The following RFTN1 variants were observed in gnomAD, a reference collection of about 807,000 sequenced individuals.
RFTN1 encodes raftlin.
In RFTN1, 26 loss-of-function variants were observed where a neutral mutation model predicts 46.5. The ratio of observed to expected loss-of-function variants is 0.56; its 90% CI spans 0.41 to 0.78. RFTN1 has a LOEUF of 0.78. Ranked by LOEUF, RFTN1 falls within the 30% of genes least tolerant of loss-of-function variation. The pLI, the probability that RFTN1 is intolerant of heterozygous loss-of-function variation, is 0.00. For missense variants in RFTN1, 693 were observed against 718.7 expected (o/e 0.96, Z 0.41); for synonymous variants, 261 against 284.2 (o/e 0.92, Z 0.82).
rs893682106 is a variant in RFTN1 at position 16,507,662 on chromosome 3, A to G, written c.-9+5780T>C. Among the ~76,000 whole-genome samples the G allele has an allele frequency of 2.0e-5, 3 of 151,496 alleles. No homozygotes were observed. Among genetic ancestry groups the G allele is most frequent in the Non-Finnish European group, 4.4e-5 (3 of 67,834 alleles). On this transcript the variant is annotated intron_variant, in intron 1 of 9. Transcript: ENST00000334133. This position sits in a 1 kb window ranked among gnomAD's most constrained non-coding sequence, Gnocchi z 7.1. ...CACACATCCACAAACACGCACATAC[A>G]TACACACACAATGCACATAAACACA...
intron 5 of RFTN1, among the ~76,000 whole-genome samples, chr3:16,373,918 G>A (rs542812462): frequency 7.2e-5 from 11 of 152,324 alleles, no homozygotes; most frequent in African/African-American, 2.6e-4. Context: ...CCATCCAGAT[G>A]CCTAAATCTG....
At chr3:16,319,873 A>G (rs949075135) in intron 9 of RFTN1, among the ~76,000 whole-genome samples, 2 of 152,192 alleles carry the variant, frequency 1.3e-5, no homozygotes, top group Non-Finnish European at 2.9e-5. Flanking sequence ...AAGGCAGGCA[A>G]GTCCAGCCTG....
Position 16,341,851 on chromosome 3 carries a change from G to A in RFTN1, c.1147-14975C>T, listed in dbSNP as rs1323293054. Among the ~76,000 whole-genome samples, 3 of 152,166 alleles carry A rather than the reference G, an allele frequency of 2.0e-5. No homozygotes were observed. Among genetic ancestry groups the A allele is most frequent in the African/African-American group, 7.2e-5 (3 of 41,442 alleles). On this transcript the variant is annotated intron_variant, in intron 7 of 9. Coordinates refer to ENST00000334133, the MANE Select transcript of RFTN1 (RefSeq NM_015150.2). This position sits in a 1 kb window ranked among gnomAD's most constrained non-coding sequence, Gnocchi z 4.7. ...ATACAAAAATGTATAACAGTTTGAA[G>A]AGTATGATACCATTTTTGTAAAAAA...
At position 16,352,635 on chromosome 3, in the gene RFTN1, TG is replaced by T. The variant is rs1458464320; in HGVS notation, c.1146+5296del. On this transcript the variant is annotated intron_variant, in intron 7 of 9. Coordinates refer to ENST00000334133, the MANE Select transcript of RFTN1 (RefSeq NM_015150.2). The surrounding 1 kb of genome is among the most constrained non-coding windows in gnomAD (Gnocchi z 4.6). ...TGCTTTTAGCATAAAACGAAGGCAA[TG>T]GGGGGAGGATCTGTCTCACTGATGA... is the stretch of plus-strand genomic sequence containing the variant. Among the ~76,000 whole-genome samples, 1 of 152,080 alleles carries T rather than the reference TG, an allele frequency of 6.6e-6. No homozygotes were observed. The highest frequency in any genetic ancestry group is 6.6e-5 in the Admixed American group (1 of 15,254).
rs569175831 is a variant in RFTN1, at chr3:16,414,303, A to T, written c.333-4820T>A. Among the ~76,000 whole-genome samples, 4 of 151,794 alleles carry T rather than the reference A, an allele frequency of 2.6e-5. No individual in the cohort carries two copies. The South Asian group carries it at 8.3e-4, about 32-fold the overall frequency. The stretch of plus-strand genomic sequence containing the variant: ...CAATGGTGGGAAGTCTTGAAAAAAA[A>T]AAAAAAAGAAAGAAAGAAAAGGGCT... On this transcript the variant is annotated intron_variant, in intron 3 of 9. Transcript: ENST00000334133.
intron 7 of RFTN1, among the ~76,000 whole-genome samples, chr3:16,328,307 GC>G (rs1381967867): frequency 6.6e-6 from 1 of 152,204 alleles, no homozygotes; most frequent in Non-Finnish European, 1.5e-5. Context: ...CAGAGGCAGC[GC>G]GCGTGACCAT....
At chr3:16,501,580 C>T (rs537696194) in intron 1 of RFTN1, among the ~76,000 whole-genome samples, 2 of 152,306 alleles carry the variant, frequency 1.3e-5, no homozygotes, top group East Asian at 3.9e-4. Flanking sequence ...TGACAAGCAA[C>T]CAGAGATGGG....
At position 16,512,369 on chromosome 3, in the gene RFTN1, A is replaced by G. The variant is rs552987633; in HGVS notation, c.-9+1073T>C. Among the ~76,000 whole-genome samples the G allele has an allele frequency of 3.2e-4, 48 of 151,980 alleles. No individual in the cohort carries two copies. Among genetic ancestry groups the G allele is most frequent in the African/African-American group, 1.1e-3 (45 of 41,388 alleles). The stretch of plus-strand genomic sequence containing the variant: ...GTACCGACTACAAGGGTTCCAGCAC[A>G]TGAGTTGCTGGAAACTGGGGTGACC... On this transcript the variant is annotated intron_variant, in intron 1 of 9. Transcript: ENST00000334133. The surrounding 1 kb of genome is among the most constrained non-coding windows in gnomAD (Gnocchi z 4.3).
chr3:16,367,025 T>G (rs2073225772), intron 6 of RFTN1, among the ~76,000 whole-genome samples: 1 of 152,192 alleles, frequency 6.6e-6, no homozygotes, highest in Non-Finnish European at 1.5e-5. Context: ...GAGTAATGCC[T>G]CAAGAACAGA....
rs143235161 is a variant in RFTN1, at chr3:16,337,804, G to C, written c.1147-10928C>G. Reference sequence around the variant, plus strand: ...GATTTGAGAGAAATACAATGATATAGTTACTGCTGAAGGGGAGTGTTCCTA... The same window carrying C: ...GATTTGAGAGAAATACAATGATATACTTACTGCTGAAGGGGAGTGTTCCTA... On this transcript the variant is annotated intron_variant, in intron 7 of 9. Coordinates refer to ENST00000334133, the MANE Select transcript of RFTN1 (RefSeq NM_015150.2). This position sits in a 1 kb window ranked among gnomAD's most constrained non-coding sequence, Gnocchi z 5.0. Among the ~76,000 whole-genome samples, 4,621 of 151,742 alleles carry C rather than the reference G, an allele frequency of 0.03. 113 individuals carry two copies. The highest frequency in any genetic ancestry group is 0.083 in the Middle Eastern group (24 of 290).
chr3:16,415,491 C>T (rs937448491), intron 3 of RFTN1, among the ~76,000 whole-genome samples: 14 of 146,734 alleles, frequency 9.5e-5, no homozygotes, highest in Admixed American at 3.5e-4. Flanking sequence ...TGCAGGAGAA[C>T]GGTCTGGACT....
rs765619275 is a variant in RFTN1, at chr3:16,345,788, C to CTGTCTGTG, written c.1146+12143_1146+12144insCACAGACA. ...TGAGCCAAAACCTTATAATAAATCT[C>CTGTCTGTG]TGTGTGTGTGTGTGTGTGTGTGTGT... On this transcript the variant is annotated intron_variant, in intron 7 of 9. Transcript: ENST00000334133. The surrounding 1 kb of genome is among the most constrained non-coding windows in gnomAD (Gnocchi z 5.2). Among the ~76,000 whole-genome samples, 2,114 of 126,746 alleles carry CTGTCTGTG rather than the reference C, an allele frequency of 0.017. 23 individuals carry two copies. Among genetic ancestry groups the CTGTCTGTG allele is most frequent in the Middle Eastern group, 0.038 (9 of 238 alleles). The allele number at this position is 126,746 out of a possible 152,430, so 83.2% of individuals were successfully genotyped here.
chr3:16,324,852 G>A (rs1335052738), intron 8 of RFTN1, among the ~76,000 whole-genome samples: 2 of 152,008 alleles, frequency 1.3e-5, no homozygotes, highest in East Asian at 3.9e-4. Context: ...AAGTGGGTTT[G>A]CTGGATCATG....
At position 16,448,812 on chromosome 3, in the gene RFTN1, T is replaced by A. The variant is rs2075777459; in HGVS notation, c.146-14775A>T. On this transcript the variant is annotated intron_variant, in intron 2 of 9. Coordinates refer to ENST00000334133, the MANE Select transcript of RFTN1 (RefSeq NM_015150.2). The surrounding 1 kb of genome is among the most constrained non-coding windows in gnomAD (Gnocchi z 4.1). The stretch of plus-strand genomic sequence containing the variant: ...CTCACCCCATGCGGGGATTACAGGC[T>A]GCGACTCACTGCTCTAGCAAAACTA... Among the ~76,000 whole-genome samples, 1 of 152,214 alleles carries A rather than the reference T, an allele frequency of 6.6e-6. No individual in the cohort carries two copies. The highest frequency in any genetic ancestry group is 2.4e-5 in the African/African-American group (1 of 41,454).
At chr3:16,417,009 CTT>C (rs72060599) in intron 3 of RFTN1, among the ~76,000 whole-genome samples, 210 of 121,260 alleles carry the variant, frequency 1.7e-3, no homozygotes, top group Middle Eastern at 3.9e-3. Flanking sequence ...TTTTCTTTTT[CTT>C]TTTTTTTTTT....
chr3:16,357,116 AAAAAAAAAAAAAC>A (rs1357225044), intron 7 of RFTN1, among the ~76,000 whole-genome samples: 8 of 41,698 alleles, frequency 1.9e-4, no homozygotes, highest in African/African-American at 4.7e-4. Flanking sequence ...TGCCATCTCA[AAAAAAAAAAAAAC>A]AAAAAAACAA....
chr3:16,330,785 C>G (rs977813469), intron 7 of RFTN1, among the ~76,000 whole-genome samples: 2 of 152,242 alleles, frequency 1.3e-5, no homozygotes, highest in African/African-American at 4.8e-5. Context: ...CACAACCTTT[C>G]TTTACCCTCC....
At position 16,413,536 on chromosome 3, in the gene RFTN1, C is replaced by T. The variant is rs577020147; in HGVS notation, c.333-4053G>A. Reference sequence around the variant, plus strand: ...GAAAAGAATATGGGAAACCACCAAACTTCCCCTGGACAGAAGTCCAGATGA... The same window carrying T: ...GAAAAGAATATGGGAAACCACCAAATTTCCCCTGGACAGAAGTCCAGATGA... On this transcript the variant is annotated intron_variant, in intron 3 of 9. Transcript: ENST00000334133. The surrounding 1 kb of genome is among the most constrained non-coding windows in gnomAD (Gnocchi z 4.7). Among the ~76,000 whole-genome samples the T allele has an allele frequency of 6.6e-6, 1 of 152,332 alleles. No homozygotes were observed. The highest frequency in any genetic ancestry group is 2.4e-5 in the African/African-American group (1 of 41,584).
Position 16,402,262 on chromosome 3 carries a change from T to G in RFTN1, c.441+7113A>C, listed in dbSNP as rs1048851025. On this transcript the variant is annotated intron_variant, in intron 4 of 9. Transcript: ENST00000334133. The surrounding 1 kb of genome is among the most constrained non-coding windows in gnomAD (Gnocchi z 4.5). Reference sequence around the variant, plus strand: ...TCCTCTTTCTCTTTCAATGTATCCATTAACTCGACGCTTATGTATTAAGTC... The same window carrying G: ...TCCTCTTTCTCTTTCAATGTATCCAGTAACTCGACGCTTATGTATTAAGTC... Among the ~76,000 whole-genome samples the G allele has an allele frequency of 2.6e-5, 4 of 152,170 alleles. No homozygotes were observed. The highest frequency in any genetic ancestry group is 2.0e-4 in the Admixed American group (3 of 15,282).
Sources: gnomAD v4.1 joint callset for allele counts (sites outside exome capture counted in the v4.1 genomes callset) on GRCh38, gnomAD v4.1.1 for gene constraint, Gnocchi (gnomAD v3.1) non-coding constraint, MANE v1.5 for transcripts, NCBI Gene and HGNC (gene_info 2026-07-23, HGNC 2026-07-21) for gene names.